The following CDH12 variants were observed in gnomAD, a reference collection of about 807,000 sequenced individuals.
CDH12 encodes cadherin-12.
A neutral mutation model predicts 74.1 loss-of-function variants in CDH12; 41 were observed. That is an observed-to-expected ratio of 0.55 (90% CI 0.43 to 0.72). CDH12 has a LOEUF of 0.72. Among genes scored for constraint, CDH12 ranks in the 30% least tolerant of loss-of-function variants. The pLI is 0.00. For synonymous variants in CDH12, 399 were observed against 355.0 expected, an observed-to-expected ratio of 1.12 and a Z score of -1.39; for missense variants, 945 against 977.2, an observed-to-expected ratio of 0.97 and a Z score of 0.44.
intron 1 of CDH12, among the ~76,000 whole-genome samples, chr5:22,694,736 T>A (rs188634307): frequency 6.6e-4 from 101 of 152,050 alleles, no homozygotes; most frequent in African/African-American, 2.4e-3. Context: ...CGTCTTTCAA[T>A]TTCCTTTTAA....
At chr5:21,998,665 T>G (rs1736433677) in intron 5 of CDH12, among the ~76,000 whole-genome samples, 1 of 152,056 alleles carries the variant, frequency 6.6e-6, no homozygotes, top group South Asian at 2.1e-4. Context: ...ATTTTAAGGG[T>G]CAGCATTTTA....
intron 9 of CDH12, among the ~76,000 whole-genome samples, chr5:21,814,142 A>AGTGTGTGTGT (rs59666017): frequency 1.6e-3 from 231 of 145,590 alleles, no homozygotes; most frequent in South Asian, 2.5e-3. Flanking sequence ...AGGAGAAATG[A>AGTGTGTGTGT]GTGTGTGTGT....
At chr5:22,721,857 C>T (rs1180458788) in intron 1 of CDH12, among the ~76,000 whole-genome samples, 1 of 152,118 alleles carries the variant, frequency 6.6e-6, no homozygotes, top group African/African-American at 2.4e-5. Flanking sequence ...CTCTTTCCTG[C>T]TGCCTTGTGA....
intron 12 of CDH12, among the ~76,000 whole-genome samples, chr5:21,762,090 G>A (rs774847498): frequency 1.3e-5 from 2 of 151,988 alleles, no homozygotes; most frequent in Non-Finnish European, 2.9e-5. Flanking sequence ...TATCTTATCC[G>A]GGGACTAATA....
chr5:22,678,033 T>A (rs1741292580), intron 1 of CDH12, among the ~76,000 whole-genome samples: 1 of 106,110 alleles, frequency 9.4e-6, no homozygotes, highest in Non-Finnish European at 2.0e-5. Context: ...TCACCTCCTA[T>A]ACCATCCTCA....
chr5:21,866,605 A>T (rs1355906782), intron 6 of CDH12, among the ~76,000 whole-genome samples: 1 of 152,168 alleles, frequency 6.6e-6, no homozygotes, highest in African/African-American at 2.4e-5. Context: ...TCTAACCAGT[A>T]AAGTATTCAA....
intron 6 of CDH12, among the ~76,000 whole-genome samples, chr5:21,923,704 T>A (rs1754462277): frequency 6.6e-6 from 1 of 152,166 alleles, no homozygotes; most frequent in Admixed American, 6.6e-5. Flanking sequence ...AATTCTATTA[T>A]TTTTAATAAG....
At chr5:21,795,358 AT>A (rs1223950595) in intron 10 of CDH12, among the ~76,000 whole-genome samples, 1 of 151,834 alleles carries the variant, frequency 6.6e-6, no homozygotes, top group Non-Finnish European at 1.5e-5. Flanking sequence ...AACTGTGTTG[AT>A]TTTTCTTCAT....
intron 1 of CDH12, among the ~76,000 whole-genome samples, chr5:22,543,512 G>A (rs1317783588): frequency 6.6e-6 from 1 of 151,928 alleles, no homozygotes. Flanking sequence ...GCTTAATATC[G>A]ATTGTTGATT....
chr5:22,798,226 T>A (rs1320581817), intron 1 of CDH12, among the ~76,000 whole-genome samples: 1 of 152,112 alleles, frequency 6.6e-6, no homozygotes, highest in Non-Finnish European at 1.5e-5. Flanking sequence ...TTGATATCAA[T>A]TTGTCTATCC....
intron 1 of CDH12, among the ~76,000 whole-genome samples, chr5:22,744,636 A>G (rs1261038625): frequency 6.6e-6 from 1 of 152,146 alleles, no homozygotes; most frequent in Admixed American, 6.5e-5. Flanking sequence ...TCTCCCAACA[A>G]TTTTATAGAT....
chr5:22,423,011 CA>C (rs1180834206), intron 2 of CDH12, among the ~76,000 whole-genome samples: 1 of 151,996 alleles, frequency 6.6e-6, no homozygotes, highest in Non-Finnish European at 1.5e-5. Context: ...TATAGTCACC[CA>C]ATTGTGCTAT....
intron 3 of CDH12, among the ~76,000 whole-genome samples, chr5:22,231,083 TA>T (rs1457937986): frequency 1.3e-5 from 2 of 152,172 alleles, no homozygotes; most frequent in African/African-American, 4.8e-5. Flanking sequence ...GCAATTGTAT[TA>T]AAAAATAGAA....
intron 6 of CDH12, among the ~76,000 whole-genome samples, chr5:21,920,135 C>T (rs550603547): frequency 5.9e-5 from 9 of 152,068 alleles, no homozygotes; most frequent in Non-Finnish European, 1.2e-4. Context: ...CTAATTTATT[C>T]GTTGCTACAA....
chr5:22,806,485 T>A (rs1464619218), intron 1 of CDH12, among the ~76,000 whole-genome samples: 1 of 151,766 alleles, frequency 6.6e-6, no homozygotes, highest in Non-Finnish European at 1.5e-5. Context: ...CCCGAGTAGC[T>A]GGGACTACAG....
chr5:22,552,718 T>G (rs1738628575), intron 1 of CDH12, among the ~76,000 whole-genome samples: 1 of 152,116 alleles, frequency 6.6e-6, no homozygotes, highest in South Asian at 2.1e-4. Flanking sequence ...TGAGACACCA[T>G]GCCTGGCCAA....
At chr5:22,034,376 T>C (rs987005972) in intron 5 of CDH12, among the ~76,000 whole-genome samples, 2 of 152,204 alleles carry the variant, frequency 1.3e-5, no homozygotes, top group African/African-American at 4.8e-5. Context: ...TAGAACATTA[T>C]TTCATAGGTA....
chr5:22,134,063 A>G, intron 4 of CDH12, among the ~76,000 whole-genome samples: 1 of 152,090 alleles, frequency 6.6e-6, no homozygotes, highest in Non-Finnish European at 1.5e-5. Flanking sequence ...AGTACCCAAG[A>G]TGCTTCAGTT....
chr5:22,309,204 A>G (rs1738275459), intron 3 of CDH12, among the ~76,000 whole-genome samples: 2 of 152,184 alleles, frequency 1.3e-5, no homozygotes, highest in Admixed American at 1.3e-4. Context: ...TATTCCAAAA[A>G]TATTCCTTCT....
Sources: gnomAD v4.1 joint callset for allele counts (sites outside exome capture counted in the v4.1 genomes callset) on GRCh38, gnomAD v4.1.1 for gene constraint, MANE v1.5 for transcripts, NCBI Gene and HGNC (gene_info 2026-07-23, HGNC 2026-07-21) for gene names.